The following SLC35D4 variants were observed in gnomAD, a reference collection of about 807,000 sequenced individuals.
The protein encoded by SLC35D4 is solute carrier family 35 member D4, also known as UDP-N-acetylglucosamine transporter SLC35D4.
At chr18:23,290,266 T>TA in the SLC35D4 span, among the ~76,000 whole-genome samples, 1 of 152,210 alleles carries the variant, frequency 6.6e-6, no homozygotes, top group African/African-American at 2.4e-5. Flanking sequence ...GTGCCAGACT[T>TA]AGAGCATCCC....
At chr18:23,423,995 T>C in the SLC35D4 span, among the ~76,000 whole-genome samples, 1 of 151,958 alleles carries the variant, frequency 6.6e-6, no homozygotes, top group African/African-American at 2.4e-5. Flanking sequence ...GGCATGGGAG[T>C]GACACGTCGC....
the SLC35D4 span, among the ~76,000 whole-genome samples, chr18:23,416,256 C>T: frequency 6.6e-6 from 1 of 152,150 alleles, no homozygotes; most frequent in East Asian, 1.9e-4. Flanking sequence ...TCTTTGAGCT[C>T]CAGGTTAGAA....
the SLC35D4 span, among the ~76,000 whole-genome samples, chr18:23,373,336 C>T: frequency 6.6e-6 from 1 of 151,958 alleles, no homozygotes; most frequent in Non-Finnish European, 1.5e-5. Flanking sequence ...AAAACAAAAA[C>T]AAAAAATCAC....
At chr18:23,355,281 T>C in the SLC35D4 span, among the ~76,000 whole-genome samples, 2 of 152,280 alleles carry the variant, frequency 1.3e-5, no homozygotes, top group African/African-American at 2.4e-5. Context: ...TAGAGCCCAA[T>C]TGTCACCCCA....
chr18:23,318,801 T>A, the SLC35D4 span, among the ~76,000 whole-genome samples: 1 of 152,190 alleles, frequency 6.6e-6, no homozygotes, highest in South Asian at 2.1e-4. Context: ...ATATATTTAA[T>A]AAAGGAGTCT....
At chr18:23,362,332 C>T in the SLC35D4 span, among the ~76,000 whole-genome samples, 20 of 152,328 alleles carry the variant, frequency 1.3e-4, no homozygotes, top group African/African-American at 4.8e-4. Flanking sequence ...GGCGTGGTGG[C>T]TCATGCCTGT....
At chr18:23,376,590 C>G in the SLC35D4 span, among the ~76,000 whole-genome samples, 1 of 152,192 alleles carries the variant, frequency 6.6e-6, no homozygotes, top group African/African-American at 2.4e-5. Context: ...CTTCTTGGGG[C>G]TGCCCAGGAA....
chr18:23,370,305 C>A, the SLC35D4 span: 1 of 1,599,970 alleles, frequency 6.3e-7, no homozygotes, highest in African/African-American at 1.4e-5. Flanking sequence ...GTATTCTGCT[C>A]AAGGAGCTGC....
chr18:23,378,794 G>C, the SLC35D4 span, among the ~76,000 whole-genome samples: 1 of 152,164 alleles, frequency 6.6e-6, no homozygotes, highest in African/African-American at 2.4e-5. Context: ...GCTAGTTCAG[G>C]CAGTGTGAAG....
At chr18:23,403,302 T>C in the SLC35D4 span, among the ~76,000 whole-genome samples, 2 of 152,200 alleles carry the variant, frequency 1.3e-5, no homozygotes, top group African/African-American at 4.8e-5. Context: ...AACACTACAT[T>C]GATAACTGTT....
chr18:23,330,112 G>T, the SLC35D4 span, among the ~76,000 whole-genome samples: 1 of 151,976 alleles, frequency 6.6e-6, no homozygotes, highest in South Asian at 2.1e-4. Context: ...TGAGTTGATG[G>T]GTGCAGCAAA....
At chr18:23,345,932 T>C in the SLC35D4 span, among the ~76,000 whole-genome samples, 3 of 152,158 alleles carry the variant, frequency 2.0e-5, no homozygotes, top group Non-Finnish European at 4.4e-5. Context: ...AATGGAATTG[T>C]TTTCTTAATT....
chr18:23,361,502 ACGGCC>A, the SLC35D4 span, among the ~76,000 whole-genome samples: 1 of 152,212 alleles, frequency 6.6e-6, no homozygotes, highest in African/African-American at 2.4e-5. Context: ...CAGCAGTGCC[ACGGCC>A]CAGCAAAACC....
chr18:23,270,556 C>T, the SLC35D4 span, among the ~76,000 whole-genome samples: 1 of 152,162 alleles, frequency 6.6e-6, no homozygotes, highest in Non-Finnish European at 1.5e-5. Context: ...GTACTGTGCA[C>T]CTGGAAAAAC....
At chr18:23,348,565 CT>C in the SLC35D4 span, among the ~76,000 whole-genome samples, 1 of 152,134 alleles carries the variant, frequency 6.6e-6, no homozygotes, top group Admixed American at 6.6e-5. Context: ...TGCATTAACA[CT>C]TTTATCATTA....
At chr18:23,283,051 G>A in the SLC35D4 span, among the ~76,000 whole-genome samples, 2 of 151,844 alleles carry the variant, frequency 1.3e-5, no homozygotes, top group African/African-American at 4.8e-5. Context: ...TGGAATTCAG[G>A]TGTAACTGAC....
At chr18:23,263,383 G>A in the SLC35D4 span, among the ~76,000 whole-genome samples, 13 of 152,322 alleles carry the variant, frequency 8.5e-5, no homozygotes, top group South Asian at 2.3e-3. Context: ...CTGGAGCTAC[G>A]AAATCCATAG....
chr18:23,424,356 A>G, the SLC35D4 span, among the ~76,000 whole-genome samples: 1 of 152,170 alleles, frequency 6.6e-6, no homozygotes, highest in Non-Finnish European at 1.5e-5. Flanking sequence ...TCCTTCACTG[A>G]TGTACCCCAG....
the SLC35D4 span, among the ~76,000 whole-genome samples, chr18:23,419,380 C>A: frequency 6.6e-6 from 1 of 151,986 alleles, no homozygotes; most frequent in Non-Finnish European, 1.5e-5. Flanking sequence ...GCAACCTCCG[C>A]CTCCTGGGTT....
Sources: allele counts gnomAD v4.1 joint callset (sites outside exome capture counted in the v4.1 genomes callset), GRCh38; gene constraint gnomAD v4.1.1; transcripts MANE v1.5; gene names NCBI Gene and HGNC (gene_info 2026-07-23, HGNC 2026-07-21).